Variants in SPATC1 observed in about 807,000 individuals in gnomAD.
SPATC1 encodes the protein speriolin.
Under a neutral mutation model 36.5 loss-of-function variants are expected in SPATC1, and 35 were observed. That is an observed-to-expected ratio of 0.96 (90% CI 0.73 to 1.27). The LOEUF (loss-of-function observed/expected upper bound fraction) is 1.27, where lower values mean the gene tolerates loss of function less well. Among genes scored for constraint, SPATC1 ranks in the 50% most tolerant of loss-of-function variants. SPATC1 has a pLI of 0.00. For missense variants in SPATC1, 779 were observed against 796.0 expected, an observed-to-expected ratio of 0.98 and a Z score of 0.26; for synonymous variants, 361 against 353.6, an observed-to-expected ratio of 1.02 and a Z score of -0.24.
rs1157576336 is a variant in SPATC1 at position 144,021,598 on chromosome 8, C to G, written c.211+8872C>G. Among the ~76,000 whole-genome samples, 87 of 132,574 alleles carry G rather than the reference C, an allele frequency of 6.6e-4. 2 individuals carry two copies. Among genetic ancestry groups the G allele is most frequent in the Non-Finnish European group, 8.8e-4 (53 of 60,194 alleles). 87.0% of individuals were successfully genotyped at this position (132,574 alleles called of 152,430 possible). A position where few individuals can be genotyped will look rare whatever the true frequency, so the allele number is the denominator to read the frequency against. Reference sequence around the variant, plus strand: ...CCCTCTTACCTCAGAACCCTCTCACCTCAGGACCCTCTGTCCAGAAGAACC... The same window carrying G: ...CCCTCTTACCTCAGAACCCTCTCACGTCAGGACCCTCTGTCCAGAAGAACC... On this transcript the variant is annotated intron_variant, in intron 1 of 4. Coordinates refer to ENST00000377470, the MANE Select transcript of SPATC1 (RefSeq NM_198572.3).
intron 1 of SPATC1, among the ~76,000 whole-genome samples, chr8:144,034,406 AT>A (rs36150800): frequency 2.3e-3 from 327 of 144,690 alleles, no homozygotes; most frequent in Middle Eastern, 3.6e-3. Flanking sequence ...GCAGAAATGC[AT>A]TTTTTTTTTT....
At chr8:144,019,378 G>C (rs960786584) in intron 1 of SPATC1, among the ~76,000 whole-genome samples, 1 of 152,234 alleles carries the variant, frequency 6.6e-6, no homozygotes, top group Non-Finnish European at 1.5e-5. Flanking sequence ...CAGGTGGCCA[G>C]AGTGATCTCT....
intron 1 of SPATC1, among the ~76,000 whole-genome samples, chr8:144,025,705 A>G (rs1834663826): frequency 6.6e-6 from 1 of 152,032 alleles, no homozygotes; most frequent in South Asian, 2.1e-4. Context: ...CTGACCAGGG[A>G]CCTCGGTAAG....
Position 144,046,553 on chromosome 8 carries a change from C to T in SPATC1, c.1447-74C>T, listed in dbSNP as rs1835266828. 3.5e-6 allele frequency: 5 copies of T among 1,415,624 alleles called. No individual in the cohort carries two copies. Among genetic ancestry groups the T allele is most frequent in the Non-Finnish European group, 4.8e-6 (5 of 1,035,544 alleles). 87.7% of individuals were successfully genotyped at this position (1,415,624 alleles called of 1,614,324 possible). On this transcript the variant is annotated intron_variant, in intron 4 of 4. Coordinates refer to ENST00000377470, the MANE Select transcript of SPATC1 (RefSeq NM_198572.3). This position sits in a 1 kb window ranked among gnomAD's most constrained non-coding sequence, Gnocchi z 6.6. ...GGCCATCTCACAGCCTCACCTGCCCCTCGGTCTTCCCCTTACCTGCCTGTG... is the reference window on the plus strand; with the variant it reads ...GGCCATCTCACAGCCTCACCTGCCCTTCGGTCTTCCCCTTACCTGCCTGTG...
chr8:144,012,677 G>A lies in SPATC1; in HGVS notation c.162G>A (p.Thr54=), dbSNP rs782512612. Residue 54 remains threonine, a synonymous_variant, in exon 1 of 5, where the codon ACG becomes ACA. Coordinates refer to ENST00000377470, the MANE Select transcript of SPATC1 (RefSeq NM_198572.3). ...QAGGLGISGF[T]SGLGEATAGL... is the part of the protein sequence containing the mutation. ...GCGGGCTCGGCATCAGCGGGTTCAC[G>A]AGTGGGCTTGGTGAGGCAACAGCAG... 4.8e-5 allele frequency: 75 copies of A among 1,551,604 alleles called. No homozygotes were observed. The highest frequency in any genetic ancestry group is 1.7e-4 in the East Asian group (7 of 40,930).
At chr8:144,024,781 C>T (rs1374535499) in intron 1 of SPATC1, among the ~76,000 whole-genome samples, 1 of 119,768 alleles carries the variant, frequency 8.3e-6, no homozygotes, top group African/African-American at 3.2e-5. Flanking sequence ...CCCTCAAGAC[C>T]TACCCTCTCC....
In SPATC1 at chr8:144,046,846, C is replaced by T. The variant is rs532967180; in HGVS notation, c.1666C>T (p.Arg556Cys). 3.3e-5 allele frequency: 53 copies of T among 1,602,508 alleles called. 1 individual carries two copies. In the South Asian group the frequency reaches 5.3e-4, roughly 16 times the overall value. Residue 556 changes from arginine to cysteine, a missense_variant, in exon 5 of 5, where the codon CGT becomes TGT. By Grantham distance (180) the Arg-to-Cys change is radical. Transcript: ENST00000377470. The surrounding 1 kb of genome is among the most constrained non-coding windows in gnomAD (Gnocchi z 6.6). ...CCCCTACACCGTGGACTTCCTGCAG[C>T]GTGTGGTGGTGGAGACCGTGCACCC... ...GGPYTVDFLQ[R>C]VVVETVHPGM... is the part of the protein sequence containing the mutation.
intron 1 of SPATC1, among the ~76,000 whole-genome samples, chr8:144,026,987 C>CT (rs1169014232): frequency 0.22 from 24,684 of 114,292 alleles, 2,474 homozygotes; most frequent in South Asian, 0.29. Context: ...TTTTTTTTTT[C>CT]TTTTTTTTTT....
Position 144,046,901 on chromosome 8 carries a change from TCTC to T in SPATC1, c.1724_1726del (p.Ser575del). The T allele has an allele frequency of 6.3e-7, 1 of 1,599,134 alleles. No homozygotes were observed. Among genetic ancestry groups the T allele is most frequent in the South Asian group, 1.1e-5 (1 of 91,024 alleles). Reference sequence around the variant, plus strand: ...ATGCTCGCCGACGCGCTGCTGCTGCTCTCCTGCCTCAGCCAGCTGGCGCACGAT... The same window carrying T: ...ATGCTCGCCGACGCGCTGCTGCTGCTCTGCCTCAGCCAGCTGGCGCACGAT... On this transcript the variant is annotated inframe_deletion, in exon 5 of 5. Coordinates refer to ENST00000377470, the MANE Select transcript of SPATC1 (RefSeq NM_198572.3). The surrounding 1 kb of genome is among the most constrained non-coding windows in gnomAD (Gnocchi z 6.6).
intron 4 of SPATC1, among the ~76,000 whole-genome samples, chr8:144,043,299 A>ATTT (rs797036957): frequency 5.0e-4 from 64 of 127,966 alleles, no homozygotes; most frequent in Middle Eastern, 0.011. Context: ...CCAGCCTTAC[A>ATTT]TTTTTTTTTT....
intron 1 of SPATC1, 72 bp from the exon 2 acceptor site, chr8:144,039,835 CAG>C: frequency 1.3e-6 from 2 of 1,486,164 alleles, no homozygotes; most frequent in Non-Finnish European, 1.8e-6. Context: ...ACCACAGTGA[CAG>C]AGCCTGTGAC....
intron 1 of SPATC1, among the ~76,000 whole-genome samples, chr8:144,015,267 T>G (rs1288103356): frequency 3.3e-5 from 5 of 151,048 alleles, no homozygotes; most frequent in African/African-American, 9.8e-5. Context: ...GCCACACTGG[T>G]CTCAAACTTC....
Position 144,040,289 on chromosome 8 carries a change from C to G in SPATC1, c.592C>G (p.Pro198Ala). 1.2e-6 allele frequency: 2 copies of G among 1,612,804 alleles called. No individual in the cohort carries two copies. The highest frequency in any genetic ancestry group is 8.5e-7 in the Non-Finnish European group (1 of 1,179,898). The change falls in exon 2 of 5, where the codon CCC becomes GCC. Residue 198 changes from proline to alanine, a missense_variant. Physicochemically the swap from Pro to Ala is conservative, Grantham distance 27. Transcript: ENST00000377470. Reference protein sequence around the residue: ...MGTVAVSLSSPLLSSTATPPG... With the variant: ...MGTVAVSLSSALLSSTATPPG... ...CACGGTGGCTGTCTCTCTGAGCAGCCCCCTCCTCAGCTCCACTGCCACCCC... is the reference window on the plus strand; with the variant it reads ...CACGGTGGCTGTCTCTCTGAGCAGCGCCCTCCTCAGCTCCACTGCCACCCC...
At chr8:144,023,669 T>TGAGGAACTTCG (rs1834601950) in intron 1 of SPATC1, among the ~76,000 whole-genome samples, 5 of 242 alleles carry the variant, frequency 0.021, 2 homozygotes, top group African/African-American at 0.083. Context: ...CCCTCTCCCC[T>TGAGGAACTTCG]TGAAACTCCC....
intron 1 of SPATC1, among the ~76,000 whole-genome samples, chr8:144,026,298 T>C (rs1834676306): frequency 6.6e-6 from 1 of 152,254 alleles, no homozygotes; most frequent in Non-Finnish European, 1.5e-5. Flanking sequence ...TTCGCTTTTA[T>C]GGCTGAATAC....
chr8:144,023,326 C>T (rs1174082069), intron 1 of SPATC1, among the ~76,000 whole-genome samples: 3 of 272 alleles, frequency 0.011, no homozygotes, highest in Non-Finnish European at 7.0e-3. Flanking sequence ...AGGAACCTCT[C>T]CCCTCAGGAT....
intron 4 of SPATC1, chr8:144,042,138 C>T (rs1335957024): frequency 6.9e-6 from 3 of 435,896 alleles, no homozygotes; most frequent in Middle Eastern, 1.1e-3. Flanking sequence ...TCAATTCAAA[C>T]GATTCTGCTG....
chr8:144,012,955 C>A (rs1834310155), intron 1 of SPATC1, among the ~76,000 whole-genome samples: 2 of 152,098 alleles, frequency 1.3e-5, no homozygotes, highest in South Asian at 4.1e-4. Flanking sequence ...GCCCACCCAC[C>A]CCTGCGGTGA....
At chr8:144,039,426 C>A (rs897435294) in intron 1 of SPATC1, among the ~76,000 whole-genome samples, 1 of 152,208 alleles carries the variant, frequency 6.6e-6, no homozygotes, top group African/African-American at 2.4e-5. Context: ...CAGCACGGAC[C>A]CCCTGAGGAG....
Sources: gnomAD v4.1 joint callset for allele counts (sites outside exome capture counted in the v4.1 genomes callset) on GRCh38, gnomAD v4.1.1 for gene constraint, Gnocchi (gnomAD v3.1) non-coding constraint, MANE v1.5 for transcripts, NCBI Gene and HGNC (gene_info 2026-07-23, HGNC 2026-07-21) for gene names.